Variants in LARGE1 observed in about 807,000 individuals in gnomAD.
LARGE1 encodes the protein xylosyl- and glucuronyltransferase LARGE1.
Under a neutral mutation model 87.6 loss-of-function variants are expected in LARGE1, and 43 were observed. That is an observed-to-expected ratio of 0.49 (90% CI 0.38 to 0.63). The LOEUF is 0.63. LARGE1 is among the 30% of genes least tolerant of loss of function. The pLI is 0.00. For missense variants in LARGE1, 802 were observed against 1,000.2 expected, an observed-to-expected ratio of 0.80 and a Z score of 2.67; for synonymous variants, 434 against 394.6, an observed-to-expected ratio of 1.10 and a Z score of -1.18.
At chr22:33,875,823 C>A (rs1373491946) in intron 1 of LARGE1, among the ~76,000 whole-genome samples, 1 of 152,060 alleles carries the variant, frequency 6.6e-6, no homozygotes, top group East Asian at 1.9e-4. Context: ...CTGACACCTC[C>A]GGCAGCCCCA....
intron 2 of LARGE1, chr22:33,747,589 T>G (rs778328529): frequency 1.3e-5 from 2 of 152,406 alleles, no homozygotes; most frequent in Admixed American, 1.3e-4. Flanking sequence ...CATCTCACTT[T>G]GCTTTATTTT....
chr22:33,330,010 C>T (rs1937543846), intron 10 of LARGE1, among the ~76,000 whole-genome samples: 1 of 146,876 alleles, frequency 6.8e-6, no homozygotes, highest in Admixed American at 6.6e-5. Context: ...AACAGAACAA[C>T]AAAAAAAAAC....
intron 11 of LARGE1, among the ~76,000 whole-genome samples, chr22:33,250,917 T>G (rs1926984824): frequency 6.6e-6 from 1 of 152,208 alleles, no homozygotes; most frequent in Non-Finnish European, 1.5e-5. Context: ...GTTTAGGATT[T>G]TTGTATTTAT....
At chr22:33,558,335 A>G (rs5999012) in intron 6 of LARGE1, among the ~76,000 whole-genome samples, 10,938 of 152,204 alleles carry the variant, frequency 0.072, 550 homozygotes, top group East Asian at 0.15. Context: ...AAGGCAGGAA[A>G]GGAGATTTAA....
intron 5 of LARGE1, among the ~76,000 whole-genome samples, chr22:33,565,726 A>T (rs1029300909): frequency 1.3e-5 from 2 of 152,258 alleles, no homozygotes; most frequent in Non-Finnish European, 2.9e-5. Context: ...TAGAGGACAC[A>T]CACATAGGAC....
chr22:33,847,288 G>A (rs542873465), intron 1 of LARGE1, among the ~76,000 whole-genome samples: 43 of 152,244 alleles, frequency 2.8e-4, no homozygotes, highest in Non-Finnish European at 4.7e-4. Flanking sequence ...GGCAACCATG[G>A]ATTAAAACAC....
Position 33,195,749 on chromosome 22 carries a change from C to CT in LARGE1, c.1731-28918dup, listed in dbSNP as rs201916623. On this transcript the variant is annotated intron_variant, in intron 11 of 11. Coordinates refer to the LARGE1 transcript ENST00000608642. ...AGTGCCTAAAATTAATTTCTTTTTT[C>CT]TTTTTTCTTTTTTTTTTTTTTTTGA... Among the ~76,000 whole-genome samples the CT allele has an allele frequency of 9.6e-3, 863 of 89,528 alleles. 5 individuals are homozygous for CT. The highest frequency in any genetic ancestry group is 0.034 in the Middle Eastern group (6 of 174). The allele number at this position is 89,528 out of a possible 152,430, so 58.7% of individuals were successfully genotyped here.
chr22:33,754,637 G>C (rs1482763276), intron 2 of LARGE1, among the ~76,000 whole-genome samples: 1 of 152,126 alleles, frequency 6.6e-6, no homozygotes, highest in Admixed American at 6.5e-5. Flanking sequence ...TGCCCGGCCA[G>C]CTCTTCATTT....
At chr22:33,448,232 CT>C (rs2067768883) in intron 6 of LARGE1, among the ~76,000 whole-genome samples, 1 of 152,130 alleles carries the variant, frequency 6.6e-6, no homozygotes, top group Non-Finnish European at 1.5e-5. Flanking sequence ...CCCTTTAAAA[CT>C]GTTAACTACA....
At chr22:33,275,947 T>C (rs951944081) in intron 14 of LARGE1, among the ~76,000 whole-genome samples, 1 of 152,232 alleles carries the variant, frequency 6.6e-6, no homozygotes, top group Non-Finnish European at 1.5e-5. Flanking sequence ...ATATGGATAC[T>C]GACAGCCCTG....
At chr22:33,276,999 G>C in intron 14 of LARGE1, 61 bp downstream of exon 14, 1 of 1,501,942 alleles carries the variant, frequency 6.7e-7, no homozygotes, top group Non-Finnish European at 9.3e-7. Flanking sequence ...GATCCCTTAA[G>C]CTCTAGGATC....
chr22:33,408,044 G>A (rs1262668441), intron 7 of LARGE1, among the ~76,000 whole-genome samples: 4 of 150,458 alleles, frequency 2.7e-5, no homozygotes, highest in East Asian at 2.0e-4. Flanking sequence ...GCAGTGGCAC[G>A]ATCTCGGCTC....
At chr22:33,714,033 T>TAACATAACATAACATAACAC (rs1349702808) in intron 2 of LARGE1, among the ~76,000 whole-genome samples, 1 of 149,588 alleles carries the variant, frequency 6.7e-6, no homozygotes, top group Non-Finnish European at 1.5e-5. Flanking sequence ...TAACATAACA[T>TAACATAACATAACATAACAC]AAAACAAAAT....
chr22:33,798,867 A>G (rs905500161), intron 1 of LARGE1, among the ~76,000 whole-genome samples: 6 of 152,174 alleles, frequency 3.9e-5, no homozygotes, highest in African/African-American at 1.4e-4. Flanking sequence ...TCTAAAATGG[A>G]GCACGAGCAC....
chr22:33,659,520 C>A (rs2081060851), intron 2 of LARGE1, among the ~76,000 whole-genome samples: 1 of 152,006 alleles, frequency 6.6e-6, no homozygotes, highest in Non-Finnish European at 1.5e-5. Flanking sequence ...CCAGGCTGAG[C>A]CATTTTCTTA....
At chr22:33,774,498 AG>A (rs1472322341) in intron 1 of LARGE1, among the ~76,000 whole-genome samples, 1 of 152,098 alleles carries the variant, frequency 6.6e-6, no homozygotes, top group Non-Finnish European at 1.5e-5. Context: ...CTGGGATTAC[AG>A]GCACGTGCCA....
At chr22:33,831,457 G>C (rs548112366) in intron 1 of LARGE1, among the ~76,000 whole-genome samples, 100 of 152,266 alleles carry the variant, frequency 6.6e-4, no homozygotes, top group African/African-American at 2.2e-3. Flanking sequence ...AGGGCGGGGA[G>C]CCCTGCCGTG....
intron 1 of LARGE1, among the ~76,000 whole-genome samples, chr22:33,771,877 T>G (rs2085077589): frequency 6.6e-6 from 1 of 152,238 alleles, no homozygotes; most frequent in East Asian, 1.9e-4. Flanking sequence ...ACAGCTCATC[T>G]TGGGCAATCC....
At chr22:33,153,915 A>G in the LARGE1 span, among the ~76,000 whole-genome samples, 301 of 152,282 alleles carry the variant, frequency 2.0e-3, 1 homozygote, top group African/African-American at 6.9e-3. Context: ...CAGTGAAACC[A>G]TCATTCTCTA....
Sources: gnomAD v4.1 joint callset for allele counts (sites outside exome capture counted in the v4.1 genomes callset) on GRCh38, gnomAD v4.1.1 for gene constraint, MANE v1.5 for transcripts, NCBI Gene and HGNC (gene_info 2026-07-23, HGNC 2026-07-21) for gene names.